PRKG1: variants seen among roughly 807,000 people sequenced by gnomAD.
PRKG1 encodes the protein cGMP-dependent protein kinase 1.
In PRKG1, 35 loss-of-function variants were observed where a neutral mutation model predicts 88.1. That is an observed-to-expected ratio of 0.40 (90% CI 0.30 to 0.53). PRKG1 has a LOEUF of 0.53. PRKG1 is among the 20% of genes least tolerant of loss of function. The pLI, the probability that PRKG1 is intolerant of heterozygous loss-of-function variation, is 0.59. For synonymous variants in PRKG1, 303 were observed against 292.5 expected (o/e 1.04, Z -0.37); for missense variants, 540 against 839.8 (o/e 0.64, Z 4.41).
At chr10:52,101,549 C>G (rs1847293570) in intron 7 of PRKG1, among the ~76,000 whole-genome samples, 1 of 152,140 alleles carries the variant, frequency 6.6e-6, no homozygotes, top group Admixed American at 6.5e-5. Context: ...CACTTAATAA[C>G]AATAGTAATA....
intron 2 of PRKG1, among the ~76,000 whole-genome samples, chr10:51,374,093 A>AAATATATATATATATATATATAT: frequency 1.5e-3 from 155 of 100,032 alleles, no homozygotes; most frequent in Middle Eastern, 6.3e-3. Context: ...AAAAAAAAAA[A>AAATATATATATATATATATATAT]ATATATATAT....
chr10:51,838,230 T>C (rs1461522740), intron 4 of PRKG1, among the ~76,000 whole-genome samples: 1 of 152,220 alleles, frequency 6.6e-6, no homozygotes, highest in Non-Finnish European at 1.5e-5. Context: ...ATAATATATG[T>C]GCTCATGTAT....
intron 7 of PRKG1, among the ~76,000 whole-genome samples, chr10:52,113,507 T>C (rs1033622542): frequency 1.3e-5 from 2 of 152,248 alleles, no homozygotes; most frequent in Non-Finnish European, 2.9e-5. Flanking sequence ...CAGATTTGGC[T>C]GCTTTGTTCG....
intron 7 of PRKG1, among the ~76,000 whole-genome samples, chr10:52,103,499 C>A (rs1377792756): frequency 6.6e-6 from 1 of 152,054 alleles, no homozygotes; most frequent in Non-Finnish European, 1.5e-5. Context: ...ACTATATTTT[C>A]TTTTCTTTAT....
chr10:51,649,788 G>A (rs1442892060), intron 3 of PRKG1, among the ~76,000 whole-genome samples: 1 of 152,150 alleles, frequency 6.6e-6, no homozygotes, highest in African/African-American at 2.4e-5. Context: ...ATCTCCTAGA[G>A]GTTTCCCATT....
chr10:51,094,928 G>C (rs1275543915), intron 1 of PRKG1, among the ~76,000 whole-genome samples: 2 of 152,210 alleles, frequency 1.3e-5, no homozygotes, highest in East Asian at 3.9e-4. Context: ...TTGAAGCTTA[G>C]GGAAATTAAA....
chr10:52,132,200 G>T (rs1478802269), intron 7 of PRKG1, among the ~76,000 whole-genome samples: 2 of 152,076 alleles, frequency 1.3e-5, no homozygotes, highest in East Asian at 3.9e-4. Flanking sequence ...AATATCATCA[G>T]AAATTCCTTG....
At chr10:52,032,224 C>T (rs187070247) in intron 5 of PRKG1, among the ~76,000 whole-genome samples, 103 of 152,226 alleles carry the variant, frequency 6.8e-4, no homozygotes, top group African/African-American at 2.4e-3. Flanking sequence ...TTGTTACTAA[C>T]CTGTTCTTTT....
chr10:51,508,826 A>G (rs761158215), intron 3 of PRKG1, among the ~76,000 whole-genome samples: 4 of 152,194 alleles, frequency 2.6e-5, no homozygotes, highest in Admixed American at 6.5e-5. Context: ...TACCTTGTAT[A>G]AAAGTGGAAG....
chr10:51,931,601 T>C (rs1842697268), intron 5 of PRKG1, among the ~76,000 whole-genome samples: 1 of 152,080 alleles, frequency 6.6e-6, no homozygotes, highest in Admixed American at 6.6e-5. Context: ...CTTCTGAAAC[T>C]CCTCTCAGTT....
chr10:51,327,008 C>A (rs887633784), intron 2 of PRKG1, among the ~76,000 whole-genome samples: 2 of 152,292 alleles, frequency 1.3e-5, no homozygotes, highest in East Asian at 1.9e-4. Context: ...ATCAAGTCAG[C>A]ATGTATACTG....
intron 3 of PRKG1, among the ~76,000 whole-genome samples, chr10:51,508,391 A>G (rs1392390709): frequency 1.3e-5 from 2 of 152,182 alleles, no homozygotes; most frequent in African/African-American, 4.8e-5. Flanking sequence ...TAAGCTGGAA[A>G]GAACCCTGGG....
intron 7 of PRKG1, among the ~76,000 whole-genome samples, chr10:52,090,846 G>A (rs1158193018): frequency 6.6e-6 from 1 of 152,160 alleles, no homozygotes; most frequent in Non-Finnish European, 1.5e-5. Flanking sequence ...ATGAGAAATT[G>A]CTGATGATCA....
At chr10:51,996,950 A>G (rs920672113) in intron 5 of PRKG1, among the ~76,000 whole-genome samples, 1 of 152,202 alleles carries the variant, frequency 6.6e-6, no homozygotes, top group African/African-American at 2.4e-5. Flanking sequence ...GCCATAAAAA[A>G]GGAGAAATTC....
intron 9 of PRKG1, among the ~76,000 whole-genome samples, chr10:52,199,585 C>G (rs1839604921): frequency 6.6e-6 from 1 of 152,124 alleles, no homozygotes; most frequent in Non-Finnish European, 1.5e-5. Flanking sequence ...AGACCTAACG[C>G]TTCCATAAAT....
chr10:51,837,316 G>A (rs1248070618), intron 4 of PRKG1, among the ~76,000 whole-genome samples: 3 of 152,018 alleles, frequency 2.0e-5, no homozygotes, highest in Non-Finnish European at 4.4e-5. Flanking sequence ...TTTGAATATG[G>A]CACTTAAAAA....
chr10:51,421,642 C>T (rs1838419432), intron 2 of PRKG1, among the ~76,000 whole-genome samples: 1 of 152,162 alleles, frequency 6.6e-6, no homozygotes, highest in Admixed American at 6.5e-5. Context: ...CCATGTCTGT[C>T]TCCTGCACAC....
At chr10:52,208,615 A>G (rs1472590645) in intron 9 of PRKG1, among the ~76,000 whole-genome samples, 1 of 152,236 alleles carries the variant, frequency 6.6e-6, no homozygotes, top group Non-Finnish European at 1.5e-5. Context: ...CTTACACGCC[A>G]TTAATGTTCT....
At chr10:51,436,429 T>G (rs1838933246) in intron 2 of PRKG1, among the ~76,000 whole-genome samples, 1 of 151,974 alleles carries the variant, frequency 6.6e-6, no homozygotes, top group Non-Finnish European at 1.5e-5. Flanking sequence ...TTTAAAAGTA[T>G]GTCCTGGGTG....
Sources: allele counts gnomAD v4.1 joint callset (sites outside exome capture counted in the v4.1 genomes callset), GRCh38; gene constraint gnomAD v4.1.1; transcripts MANE v1.5; gene names NCBI Gene and HGNC (gene_info 2026-07-23, HGNC 2026-07-21).